The following CTCF variants were observed in gnomAD, a reference collection of about 807,000 sequenced individuals.
CTCF encodes the protein transcriptional repressor CTCF.
A neutral mutation model predicts 72.3 loss-of-function variants in CTCF; 7 were observed. The observed-to-expected ratio is 0.10, with a 90% CI of 0.06 to 0.18. The LOEUF (loss-of-function observed/expected upper bound fraction) is 0.18. CTCF is among the 10% of genes least tolerant of loss of function. The pLI is 1.00. For missense variants in CTCF, 516 were observed against 949.1 expected (o/e 0.54, Z 6.00); for synonymous variants, 374 against 315.8 (o/e 1.18, Z -1.95).
intron 2 of CTCF, among the ~76,000 whole-genome samples, chr16:67,590,667 C>T (rs964459935): frequency 2.6e-5 from 4 of 151,266 alleles, no homozygotes; most frequent in East Asian, 2.0e-4. Flanking sequence ...TGGCCGAGCA[C>T]GGTGATCGGC....
chr16:67,624,101 GTGTGTGTGTGTGTGTA>G (rs1240239842), intron 7 of CTCF, among the ~76,000 whole-genome samples: 4 of 132,508 alleles, frequency 3.0e-5, no homozygotes, highest in East Asian at 3.9e-4. Flanking sequence ...GTGTGTGTGT[GTGTGTGTGTGTGTGTA>G]TGTGTGTGTA....
intron 1 of CTCF, among the ~76,000 whole-genome samples, chr16:67,565,394 G>A (rs1349446724): frequency 6.6e-6 from 1 of 152,078 alleles, no homozygotes; most frequent in Admixed American, 6.6e-5. Context: ...AGTAGTTGTG[G>A]CTGGGAGCGG....
chr16:67,606,345 A>G (rs1035344350), intron 2 of CTCF, among the ~76,000 whole-genome samples: 1 of 152,136 alleles, frequency 6.6e-6, no homozygotes, highest in African/African-American at 2.4e-5. Context: ...TTCAAATTCC[A>G]CATTTATGAA....
chr16:67,597,546 C>G (rs1045403490), intron 2 of CTCF, among the ~76,000 whole-genome samples: 2 of 152,100 alleles, frequency 1.3e-5, no homozygotes, highest in African/African-American at 2.4e-5. Context: ...ACCATGTTGG[C>G]CAGGCTGGTC....
chr16:67,630,027 C>T (rs2052344033), intron 10 of CTCF, among the ~76,000 whole-genome samples: 1 of 151,846 alleles, frequency 6.6e-6, no homozygotes, highest in Non-Finnish European at 1.5e-5. Context: ...CCGCCCTCCT[C>T]AGCCTCCCAA....
intron 10 of CTCF, among the ~76,000 whole-genome samples, chr16:67,633,532 A>C (rs1261798785): frequency 6.6e-6 from 1 of 152,160 alleles, no homozygotes; most frequent in East Asian, 1.9e-4. Context: ...AAGTCCAAAA[A>C]CTTGACCTTA....
chr16:67,619,721 C>G (rs1395366605), intron 5 of CTCF, among the ~76,000 whole-genome samples: 1 of 152,120 alleles, frequency 6.6e-6, no homozygotes, highest in East Asian at 1.9e-4. Flanking sequence ...GTAGCTGAGA[C>G]TACAGGCATG....
intron 2 of CTCF, among the ~76,000 whole-genome samples, chr16:67,589,765 A>C (rs576123466): frequency 1.6e-4 from 25 of 152,100 alleles, no homozygotes; most frequent in Non-Finnish European, 1.6e-4. Flanking sequence ...ATGACGCTTC[A>C]ACACCTAATA....
intron 4 of CTCF, chr16:67,616,479 G>T (rs2052133352): frequency 2.5e-6 from 1 of 406,240 alleles, no homozygotes; most frequent in Admixed American, 3.8e-5. Flanking sequence ...GAATAAGAAG[G>T]TTTTTATTGT....
At chr16:67,577,348 G>T (rs1397896000) in intron 2 of CTCF, among the ~76,000 whole-genome samples, 1 of 143,744 alleles carries the variant, frequency 7.0e-6, no homozygotes, top group African/African-American at 2.6e-5. Context: ...AACCTGGGAG[G>T]CTCTGTCTCA....
chr16:67,608,100 G>A (rs1056535440), intron 2 of CTCF, among the ~76,000 whole-genome samples: 89 of 150,358 alleles, frequency 5.9e-4, no homozygotes, highest in Non-Finnish European at 1.6e-4. Flanking sequence ...CGAGGCAGGC[G>A]GATCACGAGG....
intron 2 of CTCF, among the ~76,000 whole-genome samples, chr16:67,605,033 C>T (rs182899249): frequency 5.7e-5 from 7 of 123,372 alleles, no homozygotes; most frequent in African/African-American, 2.3e-4. Context: ...AGTGCAGTGG[C>T]GCAATCTCGG....
At chr16:67,591,312 T>C (rs1324152293) in intron 2 of CTCF, among the ~76,000 whole-genome samples, 1 of 152,070 alleles carries the variant, frequency 6.6e-6, no homozygotes, top group Non-Finnish European at 1.5e-5. Context: ...TGAAAATTAA[T>C]GTCAGAGAAG....
At chr16:67,584,563 T>A (rs1597689846) in intron 2 of CTCF, among the ~76,000 whole-genome samples, 1 of 151,496 alleles carries the variant, frequency 6.6e-6, no homozygotes. Context: ...CCTGACCTCA[T>A]GATCCACCAG....
intron 10 of CTCF, among the ~76,000 whole-genome samples, chr16:67,634,516 CTT>C (rs35780985): frequency 8.6e-5 from 9 of 104,154 alleles, no homozygotes; most frequent in Admixed American, 2.1e-4. Context: ...CCTAAATGGG[CTT>C]TTTTTTTTTT....
At position 67,566,515 on chromosome 16, in the gene CTCF, TAAAAAAAAAAAA is replaced by T. The variant is rs377253111; in HGVS notation, c.-127+3805_-127+3816del. The stretch of plus-strand genomic sequence containing the variant: ...ACAGAGTGAGACTTTGTCTCAAAAT[TAAAAAAAAAAAA>T]AAAAAAAAAAAAAGATTAGTCTTAC... On this transcript the variant is annotated intron_variant, in intron 1 of 11. Coordinates refer to ENST00000264010, the MANE Select transcript of CTCF (RefSeq NM_006565.4). Among the ~76,000 whole-genome samples the T allele has an allele frequency of 1.9e-3, 148 of 76,274 alleles. 1 individual carries two copies. Among genetic ancestry groups the T allele is most frequent in the Admixed American group, 7.0e-3 (43 of 6,138 alleles). The allele number at this position is 76,274 out of a possible 152,430, so 50.0% of individuals were successfully genotyped here. A position where few individuals can be genotyped will look rare whatever the true frequency, so the allele number is the denominator to read the frequency against.
chr16:67,583,020 G>A (rs1276510678), intron 2 of CTCF, among the ~76,000 whole-genome samples: 1 of 115,296 alleles, frequency 8.7e-6, no homozygotes, highest in African/African-American at 3.4e-5. Flanking sequence ...TTGCTCTGTT[G>A]CACAGGCTGG....
intron 2 of CTCF, among the ~76,000 whole-genome samples, chr16:67,589,012 C>CTG (rs1008879382): frequency 2.0e-5 from 3 of 152,084 alleles, no homozygotes; most frequent in African/African-American, 7.2e-5. Flanking sequence ...AATTTGAGGC[C>CTG]TGGGTGTAAT....
intron 2 of CTCF, among the ~76,000 whole-genome samples, chr16:67,604,964 ATT>A (rs34873720): frequency 2.8e-4 from 21 of 73,770 alleles, no homozygotes; most frequent in African/African-American, 3.8e-4. Flanking sequence ...TATAAATGGG[ATT>A]TTTTTTTTTT....
Sources: gnomAD v4.1 joint callset for allele counts (sites outside exome capture counted in the v4.1 genomes callset) on GRCh38, gnomAD v4.1.1 for gene constraint, MANE v1.5 for transcripts, NCBI Gene and HGNC (gene_info 2026-07-23, HGNC 2026-07-21) for gene names.